NLRP4: variants seen among roughly 807,000 people sequenced by gnomAD.
NLRP4 encodes the protein NLR family pyrin domain containing 4, also known as NACHT, LRR and PYD domains-containing protein 4.
Under a neutral mutation model 84.7 loss-of-function variants are expected in NLRP4, and 44 were observed. The ratio of observed to expected loss-of-function variants is 0.52; its 90% CI spans 0.41 to 0.67. NLRP4 has a LOEUF of 0.67. NLRP4 is among the 30% of genes least tolerant of loss of function. The pLI is 0.00. For synonymous variants in NLRP4, 544 were observed against 476.4 expected (o/e 1.14, Z -1.85); for missense variants, 1,260 against 1,219.4 (o/e 1.03, Z -0.50).
Position 55,862,109 on chromosome 19 carries a change from G to T in NLRP4, c.2136G>T (p.Arg712Ser). Residue 712 changes from arginine (R) to serine (S), a missense_variant, in exon 5 of 10, where the codon AGG becomes AGT. By Grantham distance (110) the Arg-to-Ser change is moderately radical. Coordinates refer to ENST00000301295, the MANE Select transcript of NLRP4 (RefSeq NM_134444.5). ...TLTKLSRDDI[R>S]SLCDALNYPA... Reference sequence around the variant, plus strand: ...CGAAACTCTCTCGTGATGACATCAGGTCCCTCTGTGATGCCTTGAACTACC... The same window carrying T: ...CGAAACTCTCTCGTGATGACATCAGTTCCCTCTGTGATGCCTTGAACTACC... The T allele has an allele frequency of 6.2e-7, 1 of 1,613,944 alleles. No individual in the cohort carries two copies. The highest frequency in any genetic ancestry group is 8.5e-7 in the Non-Finnish European group (1 of 1,179,800).
rs763562933 is a variant in NLRP4, at chr19:55,857,854, A to G, written c.461A>G (p.Gln154Arg). Reference sequence around the variant, plus strand: ...AAACAGCCACGTACAGTGATCATTCAAGGACCACAAGGAATTGGAAAAACG... The same window carrying G: ...AAACAGCCACGTACAGTGATCATTCGAGGACCACAAGGAATTGGAAAAACG... Reference protein sequence around the residue: ...AGKQPRTVIIQGPQGIGKTTL... With the variant: ...AGKQPRTVIIRGPQGIGKTTL... Residue 154 changes from glutamine to arginine, a missense_variant, in exon 3 of 10, where the codon CAA becomes CGA. By Grantham distance (43) the Gln-to-Arg change is conservative. Coordinates refer to ENST00000301295, the MANE Select transcript of NLRP4 (RefSeq NM_134444.5). 4 of 1,613,974 alleles carry G rather than the reference A, an allele frequency of 2.5e-6. No homozygotes were observed. Among genetic ancestry groups the G allele is most frequent in the Admixed American group, 1.7e-5 (1 of 60,028 alleles).
chr19:55,863,598 G>A (rs1218434679), intron 5 of NLRP4, among the ~76,000 whole-genome samples: 2 of 152,096 alleles, frequency 1.3e-5, no homozygotes, highest in African/African-American at 4.8e-5. Flanking sequence ...TCACCCCCCA[G>A]GCCCCTCCTC....
intron 1 of NLRP4, among the ~76,000 whole-genome samples, chr19:55,851,327 G>T (rs1189780830): frequency 6.2e-5 from 4 of 64,146 alleles, no homozygotes; most frequent in East Asian, 5.6e-4. Flanking sequence ...GCGGTGTAAT[G>T]TCCGTGGCTG....
chr19:55,867,400 G>T (rs1985000597), intron 5 of NLRP4, among the ~76,000 whole-genome samples: 1 of 150,094 alleles, frequency 6.7e-6, no homozygotes, highest in Admixed American at 6.7e-5. Context: ...TGTGTCTCAG[G>T]TTGGCTGTCT....
At chr19:55,868,199 TC>T (rs1335759019) in intron 6 of NLRP4, among the ~76,000 whole-genome samples, 3 of 152,206 alleles carry the variant, frequency 2.0e-5, no homozygotes, top group African/African-American at 7.2e-5. Context: ...ACATGGTACT[TC>T]CCGTGTTGAT....
intron 2 of NLRP4, among the ~76,000 whole-genome samples, chr19:55,855,740 C>T (rs545327002): frequency 6.6e-5 from 10 of 152,358 alleles, no homozygotes; most frequent in East Asian, 1.9e-4. Flanking sequence ...ATATAAACAT[C>T]GTACTAGTTA....
At chr19:55,849,951 GAGACTGCGGTGTAATT>G (rs1568658155) in intron 1 of NLRP4, among the ~76,000 whole-genome samples, 182 of 128,790 alleles carry the variant, frequency 1.4e-3, no homozygotes, top group African/African-American at 5.0e-3. Flanking sequence ...TGTAATTTCC[GAGACTGCGGTGTAATT>G]TCCGTAGCTG....
chr19:55,858,979 A>G lies in NLRP4; in HGVS notation c.1586A>G (p.Gln529Arg). 1 of 1,614,234 alleles carries G rather than the reference A, an allele frequency of 6.2e-7. No individual in the cohort carries two copies. The change falls in exon 3 of 10, where the codon CAG (glutamine) becomes CGG (arginine). Residue 529 changes from glutamine to arginine, a missense_variant. By Grantham distance (43) the Gln-to-Arg change is conservative. This residue lies in a region of NLRP4 where 712 missense variants were observed against 669.2 expected (regional missense o/e 1.06). Transcript: ENST00000301295. The surrounding 1 kb of genome is among the most constrained non-coding windows in gnomAD (Gnocchi z 4.2). The part of the protein sequence containing the change: ...FGFQLSQEIK[Q>R]QIHQCLKSLG... ...TTCCAACTGTCCCAAGAGATAAAGC[A>G]GCAAATTCACCAGTGCCTGAAGAGC...
Position 55,865,498 on chromosome 19 carries a change from GT to G in NLRP4, c.2187-2208del, listed in dbSNP as rs201528917. 1.8e-3 allele frequency among the ~76,000 whole-genome samples: 267 copies of G among 152,304 alleles called. 4 individuals carry two copies. The East Asian group carries it at 0.025, about 14-fold the overall frequency. ...ATATACCCAATAATGGGATTGCTGGGTTTGATGGTAGTTGTGTTTGAAGTTC... is the reference window on the plus strand; with the variant it reads ...ATATACCCAATAATGGGATTGCTGGGTTGATGGTAGTTGTGTTTGAAGTTC... On this transcript the variant is annotated intron_variant, in intron 5 of 9. Transcript: ENST00000301295.
intron 2 of NLRP4, among the ~76,000 whole-genome samples, chr19:55,853,869 CTTTCTCTCTT>C (rs1382317780): frequency 6.6e-6 from 1 of 151,008 alleles, no homozygotes; most frequent in Non-Finnish European, 1.5e-5. Context: ...CTTCCTCTCT[CTTTCTCTCTT>C]GCTATCTCTT....
At chr19:55,860,792 A>G (rs1480411489) in intron 3 of NLRP4, among the ~76,000 whole-genome samples, 2 of 152,108 alleles carry the variant, frequency 1.3e-5, no homozygotes, top group African/African-American at 4.8e-5. Flanking sequence ...AGCCTGACCA[A>G]CATGGCGAAA....
rs572367648 is a variant in NLRP4, at chr19:55,867,829, T to A, written c.2307T>A (p.Leu769=). Residue 769 remains leucine, a synonymous_variant, in exon 6 of 10, where the codon CTT becomes CTA. Transcript: ENST00000301295. The part of the protein sequence containing the change: ...SCNQLDTGVP[L]LCEALCSPDT... ...ACCAGTTAGACACAGGCGTGCCCCTTTTGTGTGAAGCCCTGTGCAGCCCAG... is the reference window on the plus strand; with the variant it reads ...ACCAGTTAGACACAGGCGTGCCCCTATTGTGTGAAGCCCTGTGCAGCCCAG... The A allele has an allele frequency of 3.1e-5, 50 of 1,614,132 alleles. No individual in the cohort carries two copies. The South Asian group carries it at 5.2e-4, about 17-fold the overall frequency.
Position 55,858,226 on chromosome 19 carries a change from C to T in NLRP4, c.833C>T (p.Ala278Val), listed in dbSNP as rs954822314. 2 of 1,614,162 alleles carry T rather than the reference C, an allele frequency of 1.2e-6. No individual in the cohort carries two copies. The highest frequency in any genetic ancestry group is 1.7e-5 in the Admixed American group (1 of 60,014). ...CTCCCGGAGGCCTCCCTGCTCATCG[C>T]TATCAAACCCGTGTGCCCGAAGGAG... Reference protein sequence around the residue: ...KMLPEASLLIAIKPVCPKELR... With the variant: ...KMLPEASLLIVIKPVCPKELR... Residue 278 changes from alanine to valine, a missense_variant, in exon 3 of 10, where the codon GCT (alanine) becomes GTT (valine). Transcript: ENST00000301295. This position sits in a 1 kb window ranked among gnomAD's most constrained non-coding sequence, Gnocchi z 4.2.
intron 3 of NLRP4, among the ~76,000 whole-genome samples, chr19:55,861,031 G>A (rs1301624865): frequency 6.6e-6 from 1 of 152,176 alleles, no homozygotes; most frequent in Non-Finnish European, 1.5e-5. Context: ...CTTGGCACTG[G>A]TGATGTTTTG....
At chr19:55,881,229 C>T (rs1243088108) in intron 9 of NLRP4, among the ~76,000 whole-genome samples, 1 of 150,700 alleles carries the variant, frequency 6.6e-6, no homozygotes, top group Non-Finnish European at 1.5e-5. Context: ...CCATGATTGC[C>T]TTGGAGAATT....
intron 1 of NLRP4, among the ~76,000 whole-genome samples, chr19:55,850,607 TTACGAGGCTGCGGTGTAATG>T (rs1984057882): frequency 1.4e-5 from 1 of 73,754 alleles, no homozygotes; most frequent in African/African-American, 1.1e-4. Flanking sequence ...GCGGTGTAAT[TTACGAGGCTGCGGTGTAATG>T]TCCGAGGCTG....
chr19:55,841,997 T>G (rs901095591), intron 1 of NLRP4, among the ~76,000 whole-genome samples: 2 of 152,222 alleles, frequency 1.3e-5, no homozygotes, highest in Non-Finnish European at 1.5e-5. Flanking sequence ...CTTAATTGTT[T>G]TAGAAACCTC....
intron 1 of NLRP4, among the ~76,000 whole-genome samples, chr19:55,842,925 A>G (rs747970955): frequency 2.6e-4 from 40 of 151,276 alleles, no homozygotes; most frequent in Non-Finnish European, 5.6e-4. Flanking sequence ...ACGCCCGGCT[A>G]ATTTTTTGTG....
rs547803149 is a variant in NLRP4, at chr19:55,857,935, G to A, written c.542G>A (p.Arg181Lys). The part of the protein sequence containing the change: ...AWSDNKIFRD[R>K]FLYTFYFCCR... ...TCGGACAACAAGATCTTTCGGGATA[G>A]GTTCCTGTACACGTTCTATTTCTGC... is the stretch of plus-strand genomic sequence containing the variant. The change falls in exon 3 of 10, where the codon AGG becomes AAG. Residue 181 changes from arginine to lysine, a missense_variant. Arg to Lys is a conservative substitution (Grantham distance 26). Around this residue, in one of 3 missense-constraint regions of NLRP4, gnomAD observed 712 missense variants for 669.2 expected, o/e 1.06. Transcript: ENST00000301295. 8 of 1,614,168 alleles carry A rather than the reference G, an allele frequency of 5.0e-6. No individual in the cohort carries two copies. The highest frequency in any genetic ancestry group is 1.1e-5 in the South Asian group (1 of 91,086).
Sources: gnomAD v4.1 joint callset for allele counts (sites outside exome capture counted in the v4.1 genomes callset) on GRCh38, gnomAD v4.1.1 for gene constraint, gnomAD v4.1.1 regional missense constraint, Gnocchi (gnomAD v3.1) non-coding constraint, MANE v1.5 for transcripts, NCBI Gene and HGNC (gene_info 2026-07-23, HGNC 2026-07-21) for gene names.